The following RAB3B variants were observed in gnomAD, a reference collection of about 807,000 sequenced individuals.
RAB3B encodes the protein RAB3B, member RAS oncogene family, also known as ras-related protein Rab-3B.
In RAB3B, 11 loss-of-function variants were observed where a neutral mutation model predicts 20.5. That is an observed-to-expected ratio of 0.54 (90% CI 0.34 to 0.89). RAB3B has a LOEUF of 0.89. RAB3B is among the 40% of genes least tolerant of loss of function. The probability of loss-of-function intolerance (pLI) is 0.02; values close to 1 mark genes in which losing one functional copy is unlikely to be tolerated. For missense variants in RAB3B, 225 were observed against 280.9 expected (o/e 0.80, Z 1.42); for synonymous variants, 99 against 106.3 (o/e 0.93, Z 0.42).
intron 2 of RAB3B, among the ~76,000 whole-genome samples, chr1:51,966,538 A>G (rs967017231): frequency 1.2e-4 from 18 of 152,174 alleles, no homozygotes; most frequent in African/African-American, 4.3e-4. Flanking sequence ...TCAATAGTCA[A>G]TCAGGATGGC....
chr1:51,930,400 T>C (rs1474475454), intron 4 of RAB3B, among the ~76,000 whole-genome samples: 1 of 152,226 alleles, frequency 6.6e-6, no homozygotes, highest in Non-Finnish European at 1.5e-5. Context: ...ATATCAGCTA[T>C]GATTACCACA....
At chr1:51,934,036 T>G (rs570452594) in intron 3 of RAB3B, among the ~76,000 whole-genome samples, 1 of 152,290 alleles carries the variant, frequency 6.6e-6, no homozygotes, top group South Asian at 2.1e-4. Flanking sequence ...ATCCCTCTCC[T>G]CACTGGGCAG....
chr1:51,975,126 A>T (rs1003397217), intron 2 of RAB3B, among the ~76,000 whole-genome samples: 2 of 152,202 alleles, frequency 1.3e-5, no homozygotes, highest in African/African-American at 4.8e-5. Context: ...AAGCAACAGA[A>T]TCGATTGAAC....
rs1684946792 is a variant in RAB3B, at chr1:51,972,214, T to G, written c.228+4676A>C. Among the ~76,000 whole-genome samples, 4 of 152,184 alleles carry G rather than the reference T, an allele frequency of 2.6e-5. No individual in the cohort carries two copies. In the South Asian group the frequency reaches 8.3e-4, roughly 32 times the overall value. ...AGTGTGCAATTTAAAATTTATTAGC[T>G]TATTTCTAGAATTTTCTGTTTAGTA... On this transcript the variant is annotated intron_variant, in intron 2 of 4. Transcript: ENST00000371655.
intron 2 of RAB3B, among the ~76,000 whole-genome samples, chr1:51,940,873 C>A (rs767899856): frequency 6.6e-6 from 1 of 151,934 alleles, no homozygotes; most frequent in Non-Finnish European, 1.5e-5. Context: ...ACTGACAGAG[C>A]AACTACCAGA....
intron 4 of RAB3B, among the ~76,000 whole-genome samples, chr1:51,922,223 G>C (rs1364623777): frequency 6.6e-6 from 1 of 152,224 alleles, no homozygotes; most frequent in Non-Finnish European, 1.5e-5. Flanking sequence ...AAGTGGCAGT[G>C]TTTGGGGAGG....
At position 51,915,475 on chromosome 1, in the gene RAB3B, G is replaced by A. The variant is rs889539934; in HGVS notation, c.*4452C>T. The A allele has an allele frequency of 1.3e-5, 2 of 152,098 alleles. No homozygotes were observed. Among genetic ancestry groups the A allele is most frequent in the Non-Finnish European group, 2.9e-5 (2 of 68,024 alleles). 9.4% of individuals were successfully genotyped at this position (152,098 alleles called of 1,614,324 possible). ...CTTCTCTAAGCTCCTTTCCAGATCT[G>A]ATAATCGATGAGTCTGTGACCATTC... On this transcript the variant is annotated 3_prime_UTR_variant, in exon 5 of 5. Transcript: ENST00000371655.
intron 4 of RAB3B, among the ~76,000 whole-genome samples, chr1:51,932,415 A>G (rs1220578765): frequency 6.6e-6 from 1 of 152,214 alleles, no homozygotes; most frequent in Non-Finnish European, 1.5e-5. Context: ...CTGGACCCCA[A>G]TACATAAAAT....
At chr1:51,982,791 C>T (rs1028200384) in intron 1 of RAB3B, among the ~76,000 whole-genome samples, 1 of 151,544 alleles carries the variant, frequency 6.6e-6, no homozygotes, top group African/African-American at 2.4e-5. Context: ...ATAAAAGAGT[C>T]TAAGAAGTTT....
At chr1:51,969,672 G>C (rs1043657602) in intron 2 of RAB3B, among the ~76,000 whole-genome samples, 1 of 152,026 alleles carries the variant, frequency 6.6e-6, no homozygotes, top group African/African-American at 2.4e-5. Context: ...ATTTCTCAAT[G>C]GGTTTAGGTG....
At chr1:51,925,432 G>T (rs1684231259) in intron 4 of RAB3B, among the ~76,000 whole-genome samples, 1 of 152,104 alleles carries the variant, frequency 6.6e-6, no homozygotes, top group African/African-American at 2.4e-5. Context: ...GAGCTATTTT[G>T]ACTTGGATTT....
At position 51,912,587 on chromosome 1, in the gene RAB3B, A is replaced by G. The variant is rs1684019929; in HGVS notation, c.*7340T>C. The stretch of plus-strand genomic sequence containing the variant: ...TATATATATATATATATATATATAT[A>G]TATATATATATATAAAAAATGTTAC... On this transcript the variant is annotated 3_prime_UTR_variant, in exon 5 of 5. Transcript: ENST00000371655. 4.9e-5 allele frequency: 5 copies of G among 102,396 alleles called. 1 individual carries two copies. In the East Asian group the frequency reaches 8.5e-4, roughly 17 times the overall value. The allele number at this position is 102,396 out of a possible 1,614,324, so 6.3% of individuals were successfully genotyped here. A position where few individuals can be genotyped will look rare whatever the true frequency, so the allele number is the denominator to read the frequency against.
intron 1 of RAB3B, among the ~76,000 whole-genome samples, chr1:51,982,573 T>C (rs1685101308): frequency 6.6e-6 from 1 of 151,994 alleles, no homozygotes; most frequent in South Asian, 2.1e-4. Flanking sequence ...GCCAACATGG[T>C]GAAACCTCAT....
intron 2 of RAB3B, among the ~76,000 whole-genome samples, chr1:51,944,708 G>A (rs965830349): frequency 6.6e-6 from 1 of 152,206 alleles, no homozygotes; most frequent in African/African-American, 2.4e-5. Flanking sequence ...AGATGTGACT[G>A]AATTGTGGCA....
chr1:51,982,489 C>T (rs974914524), intron 1 of RAB3B, among the ~76,000 whole-genome samples: 2 of 152,122 alleles, frequency 1.3e-5, no homozygotes, highest in Non-Finnish European at 2.9e-5. Flanking sequence ...CATGGTGGCT[C>T]AGACCTGTAA....
intron 1 of RAB3B, among the ~76,000 whole-genome samples, chr1:51,979,450 T>C (rs1057017529): frequency 6.6e-6 from 1 of 151,918 alleles, no homozygotes; most frequent in South Asian, 2.1e-4. Flanking sequence ...TCTGTATTTT[T>C]AGTAGAGACG....
intron 1 of RAB3B, among the ~76,000 whole-genome samples, chr1:51,984,387 CTT>C (rs949424495): frequency 3.0e-5 from 3 of 98,898 alleles, no homozygotes; most frequent in African/African-American, 1.1e-4. Flanking sequence ...AAGACCAATT[CTT>C]TTTTTTTTTT....
rs1224851770 is a variant in RAB3B at position 51,976,863 on chromosome 1, A to G, written c.228+27T>C. 3 of 1,601,724 alleles carry G rather than the reference A, an allele frequency of 1.9e-6. No homozygotes were observed. The African/African-American group carries it at 4.0e-5, about 21-fold the overall frequency. On this transcript the variant is annotated intron_variant, in intron 2 of 4. Coordinates refer to ENST00000371655, the MANE Select transcript of RAB3B (RefSeq NM_002867.4). ...GGCAGGCCAGCCGCTTCTCAGGAAA[A>G]TCCTGCCCAAGATTCCCGGGACTCA... is the stretch of plus-strand genomic sequence containing the variant.
At position 51,943,202 on chromosome 1, in the gene RAB3B, G is replaced by A. The variant is rs1684517924; in HGVS notation, c.229-5790C>T. Among the ~76,000 whole-genome samples the A allele has an allele frequency of 3.9e-5, 6 of 152,234 alleles. No homozygotes were observed. The South Asian group carries it at 1.2e-3, about 32-fold the overall frequency. On this transcript the variant is annotated intron_variant, in intron 2 of 4. Transcript: ENST00000371655. ...AGGTTGAGACCAGCCTGGTCAACAT[G>A]GCGAAATCCTGTCTCTACTAAAAAT...
Sources: gnomAD v4.1 joint callset for allele counts (sites outside exome capture counted in the v4.1 genomes callset) on GRCh38, gnomAD v4.1.1 for gene constraint, MANE v1.5 for transcripts, NCBI Gene and HGNC (gene_info 2026-07-23, HGNC 2026-07-21) for gene names.